Variants in WDFY4 observed in about 807,000 individuals in gnomAD.
WDFY4 encodes the protein WD repeat- and FYVE domain-containing protein 4.
A neutral mutation model predicts 351.9 loss-of-function variants in WDFY4; 169 were observed. The ratio of observed to expected loss-of-function variants is 0.48; its 90% confidence interval spans 0.42 to 0.55. The LOEUF (loss-of-function observed/expected upper bound fraction) is 0.55, where lower values mean the gene tolerates loss of function less well. Among genes scored for constraint, WDFY4 ranks in the 20% least tolerant of loss-of-function variants. The pLI is 0.00. For synonymous variants in WDFY4, 1,622 were observed against 1,574.6 expected, an observed-to-expected ratio of 1.03 and a Z score of -0.71; for missense variants, 3,803 against 3,935.6, an observed-to-expected ratio of 0.97 and a Z score of 0.90.
chr10:48,865,034 A>G (rs71500255), intron 39 of WDFY4, among the ~76,000 whole-genome samples: 19,520 of 152,118 alleles, frequency 0.13, 1,379 homozygotes, highest in Middle Eastern at 0.21. Flanking sequence ...TTCTCTTTCA[A>G]TTTGGATGCC....
rs1316082280 is a variant in WDFY4, at chr10:48,803,320, G to T, written c.4445G>T (p.Ser1482Ile). The T allele has an allele frequency of 1.4e-5, 22 of 1,551,822 alleles. No individual in the cohort carries two copies. The highest frequency in any genetic ancestry group is 1.9e-5 in the Non-Finnish European group (22 of 1,147,018). The change falls in exon 25 of 62, where the codon AGC becomes ATC. Residue 1482 changes from serine to isoleucine, a missense_variant. Ser to Ile is a moderately radical substitution (Grantham distance 142). This residue lies in a region of WDFY4 where 3,054 missense variants were observed against 3,148.6 expected (regional missense o/e 0.97). Coordinates refer to ENST00000325239, the MANE Select transcript of WDFY4 (RefSeq NM_001394531.1). ...WMNTADNLELSLFSHLLEILQ... is the reference protein window; with the variant it reads ...WMNTADNLELILFSHLLEILQ... The stretch of plus-strand genomic sequence containing the variant: ...AATACTGCAGACAATCTGGAGCTCA[G>T]CCTCTTTTCCCATCTTTTGGAAATC...
intron 39 of WDFY4, among the ~76,000 whole-genome samples, chr10:48,841,193 A>G (rs193146708): frequency 7.2e-5 from 11 of 152,376 alleles, no homozygotes; most frequent in Non-Finnish European, 2.9e-5. Context: ...AGTGGTATAT[A>G]TTAAAGTTTC....
intron 24 of WDFY4, among the ~76,000 whole-genome samples, chr10:48,802,110 C>A (rs2067106889): frequency 6.6e-6 from 1 of 151,726 alleles, no homozygotes; most frequent in South Asian, 2.1e-4. Context: ...TACGGTGGCT[C>A]ACACCTGTAA....
intron 39 of WDFY4, among the ~76,000 whole-genome samples, chr10:48,858,456 G>C (rs1341249331): frequency 1.3e-5 from 2 of 152,176 alleles, no homozygotes; most frequent in African/African-American, 4.8e-5. Flanking sequence ...AACACCATTT[G>C]CTGAAAAGCT....
intron 43 of WDFY4, 90 bp downstream of exon 43, chr10:48,877,289 A>T: frequency 8.4e-7 from 1 of 1,192,222 alleles, no homozygotes; most frequent in African/African-American, 1.5e-5. Flanking sequence ...CGCCACTTAC[A>T]TGGGGAATGA....
intron 1 of WDFY4, among the ~76,000 whole-genome samples, chr10:48,696,411 A>G (rs776446813): frequency 3.3e-5 from 5 of 152,140 alleles, no homozygotes; most frequent in Non-Finnish European, 7.4e-5. Context: ...TTCCCCCAAC[A>G]CAGGCTTGGT....
intron 35 of WDFY4, chr10:48,824,050 G>A: frequency 1.0e-6 from 1 of 985,426 alleles, no homozygotes; most frequent in Non-Finnish European, 1.2e-6. Context: ...TCTTTTCATG[G>A]AAGCCAAACA....
Position 48,913,308 on chromosome 10 carries a change from C to G in WDFY4, c.7586+11445C>G, listed in dbSNP as rs1838177561. ...AGAGCTGCTGCAGCCACAGGGGAGC[C>G]CTTGGTTTCCTGTGGAGGTAGCCCA... is the stretch of plus-strand genomic sequence containing the variant. On this transcript the variant is annotated intron_variant, in intron 47 of 61. Transcript: ENST00000325239. 3 of 1,301,056 alleles carry G rather than the reference C, an allele frequency of 2.3e-6. No individual in the cohort carries two copies. The Admixed American group carries it at 6.5e-5, about 28-fold the overall frequency. The allele number at this position is 1,301,056 out of a possible 1,614,324, so 80.6% of individuals were successfully genotyped here. A position where few individuals can be genotyped will look rare whatever the true frequency, so the allele number is the denominator to read the frequency against.
At chr10:48,970,546 C>T (rs1265724858) in intron 57 of WDFY4, among the ~76,000 whole-genome samples, 4 of 152,222 alleles carry the variant, frequency 2.6e-5, no homozygotes, top group Non-Finnish European at 5.9e-5. Flanking sequence ...GCAGGTGCCT[C>T]CACAGAGGCC....
chr10:48,738,846 G>A (rs773061265), intron 11 of WDFY4, among the ~76,000 whole-genome samples: 36 of 152,154 alleles, frequency 2.4e-4, no homozygotes, highest in African/African-American at 8.2e-4. Flanking sequence ...TCCCATCTCC[G>A]AAGGGCATTC....
chr10:48,811,927 C>T (rs2067460808), intron 30 of WDFY4, among the ~76,000 whole-genome samples: 1 of 152,206 alleles, frequency 6.6e-6, no homozygotes, highest in South Asian at 2.1e-4. Flanking sequence ...TCCCATCCTT[C>T]CTCCCAGCAA....
intron 12 of WDFY4, among the ~76,000 whole-genome samples, chr10:48,750,133 C>G (rs1488086572): frequency 6.6e-6 from 1 of 152,202 alleles, no homozygotes; most frequent in African/African-American, 2.4e-5. Flanking sequence ...GAAACAATGT[C>G]CCCTGTGGGT....
At chr10:48,966,445 G>A (rs1842085815) in intron 54 of WDFY4, 81 bp from the exon 55 acceptor site, 3 of 1,420,438 alleles carry the variant, frequency 2.1e-6, no homozygotes, top group Admixed American at 4.7e-5. Flanking sequence ...CCAGAGACAG[G>A]GTGCAGCTAC....
intron 1 of WDFY4, among the ~76,000 whole-genome samples, chr10:48,702,028 G>A (rs1012087196): frequency 2.0e-5 from 3 of 152,124 alleles, no homozygotes; most frequent in Non-Finnish European, 4.4e-5. Context: ...CAGGTTTACT[G>A]AAATACAATT....
chr10:48,823,833 C>G (rs915007596), intron 35 of WDFY4: 2 of 987,628 alleles, frequency 2.0e-6, no homozygotes, highest in African/African-American at 1.7e-5. Context: ...TGATGCCTGC[C>G]CCTCTTAACC....
At chr10:48,787,884 T>TC (rs2066488154) in intron 20 of WDFY4, among the ~76,000 whole-genome samples, 1 of 89,902 alleles carries the variant, frequency 1.1e-5, no homozygotes, top group African/African-American at 7.7e-5. Flanking sequence ...CTTTCTTTCT[T>TC]CTTCTTCTCC....
intron 47 of WDFY4, among the ~76,000 whole-genome samples, chr10:48,911,742 T>C (rs745746399): frequency 2.0e-5 from 3 of 152,242 alleles, no homozygotes; most frequent in Non-Finnish European, 4.4e-5. Context: ...GAATGATGAA[T>C]GCTTTAAGCT....
intron 44 of WDFY4, among the ~76,000 whole-genome samples, chr10:48,891,322 C>A (rs1325714436): frequency 2.0e-5 from 3 of 152,164 alleles, no homozygotes; most frequent in African/African-American, 4.8e-5. Flanking sequence ...ATACAAGAGA[C>A]CTTTGGCAGG....
At chr10:48,982,160 T>G (rs1446042779) in intron 61 of WDFY4, among the ~76,000 whole-genome samples, 1 of 152,192 alleles carries the variant, frequency 6.6e-6, no homozygotes, top group Non-Finnish European at 1.5e-5. Flanking sequence ...CCGCACTTTT[T>G]GCAGAGAACT....
Sources: allele counts gnomAD v4.1 joint callset (sites outside exome capture counted in the v4.1 genomes callset), GRCh38; gene constraint gnomAD v4.1.1; regional missense constraint gnomAD v4.1.1; transcripts MANE v1.5; gene names NCBI Gene and HGNC (gene_info 2026-07-23, HGNC 2026-07-21).